Variants in CSMD1 observed in about 807,000 individuals in gnomAD.
The protein encoded by CSMD1 is CUB and Sushi multiple domains 1.
In CSMD1, 213 loss-of-function variants were observed where a neutral mutation model predicts 417.5. The ratio of observed to expected loss-of-function variants is 0.51; its 90% CI spans 0.46 to 0.57. CSMD1 has a LOEUF of 0.57. Ranked by LOEUF, CSMD1 falls within the 20% of genes least tolerant of loss-of-function variation. The probability of loss-of-function intolerance (pLI) is 0.00; values close to 1 mark genes in which losing one functional copy is unlikely to be tolerated. For synonymous variants in CSMD1, 2,862 were observed against 1,736.8 expected (o/e 1.65, Z -16.11); for missense variants, 6,923 against 4,529.7 (o/e 1.53, Z -15.17).
intron 3 of CSMD1, among the ~76,000 whole-genome samples, chr8:4,381,994 A>G (rs560071601): frequency 6.6e-6 from 1 of 152,272 alleles, no homozygotes; most frequent in South Asian, 2.1e-4. Context: ...GACCGGACCA[A>G]GATCCCTGAA....
chr8:4,963,648 C>T (rs188320782), intron 1 of CSMD1, among the ~76,000 whole-genome samples: 24 of 152,268 alleles, frequency 1.6e-4, no homozygotes, highest in South Asian at 6.2e-4. Context: ...GAAGATAATA[C>T]GTGTAGTATG....
chr8:3,168,156 G>C (rs561458414), intron 37 of CSMD1, among the ~76,000 whole-genome samples: 2 of 152,174 alleles, frequency 1.3e-5, no homozygotes, highest in Non-Finnish European at 1.5e-5. Flanking sequence ...TAATAGAGGA[G>C]TAGCATGAAA....
intron 10 of CSMD1, among the ~76,000 whole-genome samples, chr8:3,571,054 C>T (rs1237543285): frequency 6.6e-6 from 1 of 152,088 alleles, no homozygotes; most frequent in East Asian, 1.9e-4. Flanking sequence ...GTGGGTATTC[C>T]ACTCCAGGGC....
chr8:4,414,836 G>T (rs1003890545), intron 3 of CSMD1, among the ~76,000 whole-genome samples: 3 of 152,100 alleles, frequency 2.0e-5, no homozygotes, highest in Non-Finnish European at 4.4e-5. Flanking sequence ...TGCCCTCAAG[G>T]GTACAAAGAG....
chr8:3,514,938 T>G (rs1200719460), intron 10 of CSMD1, among the ~76,000 whole-genome samples: 1 of 152,186 alleles, frequency 6.6e-6, no homozygotes, highest in Non-Finnish European at 1.5e-5. Context: ...GCAAATGTAT[T>G]TGAATTGATA....
In CSMD1 at chr8:4,657,835, G is replaced by C. The variant is rs192889110; in HGVS notation, c.86-20277C>G. ...GCTAAAGGAAACCATAGACAAAAAG[G>C]TCTAGGAAACCAGGAGAATGGCATC... On this transcript the variant is annotated intron_variant, in intron 1 of 69. Coordinates refer to ENST00000635120, the MANE Select transcript of CSMD1 (RefSeq NM_033225.6). Among the ~76,000 whole-genome samples the C allele has an allele frequency of 5.9e-5, 9 of 151,802 alleles. No individual in the cohort carries two copies. In the East Asian group the frequency reaches 1.5e-3, roughly 26 times the overall value.
chr8:3,383,027 T>C (rs538902764), intron 18 of CSMD1, among the ~76,000 whole-genome samples: 4 of 152,158 alleles, frequency 2.6e-5, no homozygotes, highest in Admixed American at 1.3e-4. Flanking sequence ...GGATCTCAAA[T>C]ACCAATGATG....
At chr8:2,999,154 CTTT>C (rs33927768) in intron 53 of CSMD1, among the ~76,000 whole-genome samples, 58 of 116,456 alleles carry the variant, frequency 5.0e-4, no homozygotes, top group African/African-American at 1.3e-3. Flanking sequence ...TTTTTTTTCC[CTTT>C]TTTTTTTTTT....
In CSMD1 at chr8:3,384,426, G is replaced by A. The variant is rs553719253; in HGVS notation, c.2782+3068C>T. On this transcript the variant is annotated intron_variant, in intron 18 of 69. Transcript: ENST00000635120. The stretch of plus-strand genomic sequence containing the variant: ...TAAATTAAGTTTCTGTACAGACAAA[G>A]ATCTGTTACTAGAATCCTTACGCTA... Among the ~76,000 whole-genome samples the A allele has an allele frequency of 4.1e-4, 62 of 151,572 alleles. No homozygotes were observed. The South Asian group carries it at 8.5e-3, about 21-fold the overall frequency.
intron 3 of CSMD1, among the ~76,000 whole-genome samples, chr8:4,368,366 A>G (rs556247340): frequency 1.3e-5 from 2 of 152,112 alleles, no homozygotes; most frequent in Non-Finnish European, 2.9e-5. Context: ...TAGCTTTTTC[A>G]TCTGCTGCTG....
chr8:3,964,797 C>A (rs547165294), intron 5 of CSMD1, among the ~76,000 whole-genome samples: 15 of 152,320 alleles, frequency 9.8e-5, no homozygotes, highest in African/African-American at 3.4e-4. Context: ...TATTTGCTGA[C>A]AATCTGTTAA....
At chr8:4,016,796 G>A (rs1263492300) in intron 4 of CSMD1, among the ~76,000 whole-genome samples, 1 of 152,164 alleles carries the variant, frequency 6.6e-6, no homozygotes, top group Non-Finnish European at 1.5e-5. Context: ...GGTTTTTTTG[G>A]TCGTTGTTTT....
chr8:3,548,348 G>C (rs1585343973), intron 10 of CSMD1, among the ~76,000 whole-genome samples: 2 of 152,014 alleles, frequency 1.3e-5, no homozygotes, highest in Admixed American at 6.6e-5. Context: ...TTGGTTACGT[G>C]ATCGAGTTCT....
At chr8:3,291,373 T>G (rs4875165) in intron 25 of CSMD1, among the ~76,000 whole-genome samples, 2 of 151,966 alleles carry the variant, frequency 1.3e-5, no homozygotes, top group South Asian at 2.1e-4. Context: ...ATCTTTTTCT[T>G]TTGATTGGAA....
intron 6 of CSMD1, among the ~76,000 whole-genome samples, chr8:3,737,354 C>T (rs193220042): frequency 6.6e-5 from 10 of 152,238 alleles, no homozygotes; most frequent in African/African-American, 2.2e-4. Context: ...ATGTGACCCC[C>T]CTTTCTCTAT....
intron 3 of CSMD1, among the ~76,000 whole-genome samples, chr8:4,169,327 A>C (rs768439105): frequency 6.6e-6 from 1 of 152,140 alleles, no homozygotes. Context: ...GGTCCCTCCC[A>C]TGTGCCTTCT....
chr8:3,681,362 T>A (rs906634225), intron 7 of CSMD1, among the ~76,000 whole-genome samples: 2 of 152,104 alleles, frequency 1.3e-5, no homozygotes, highest in South Asian at 2.1e-4. Context: ...AAAATCAATG[T>A]GCAAAAATCA....
chr8:4,132,838 T>C (rs1803193152), intron 3 of CSMD1, among the ~76,000 whole-genome samples: 1 of 152,184 alleles, frequency 6.6e-6, no homozygotes, highest in African/African-American at 2.4e-5. Context: ...ATAGACAGTT[T>C]GTAGCTCAAG....
intron 5 of CSMD1, among the ~76,000 whole-genome samples, chr8:3,966,734 C>CAG (rs1812699230): frequency 1.0e-5 from 1 of 95,834 alleles, no homozygotes; most frequent in Admixed American, 1.0e-4. Context: ...CACACACAGA[C>CAG]ACACACACAC....
Sources: gnomAD v4.1 joint callset for allele counts (sites outside exome capture counted in the v4.1 genomes callset) on GRCh38, gnomAD v4.1.1 for gene constraint, MANE v1.5 for transcripts, NCBI Gene and HGNC (gene_info 2026-07-23, HGNC 2026-07-21) for gene names.